The following ACTR3C variants were observed in gnomAD, a reference collection of about 807,000 sequenced individuals.
The protein encoded by ACTR3C is actin related protein 3C, also known as actin-related protein 3C.
A neutral mutation model predicts 26.3 loss-of-function variants in ACTR3C; 18 were observed. That is an observed-to-expected ratio of 0.68 (90% confidence interval 0.47 to 1.01). The LOEUF is 1.01. Among genes scored for constraint, ACTR3C ranks in the 50% least tolerant of loss-of-function variants. The probability of loss-of-function intolerance (pLI) is 0.00; values close to 1 mark genes in which losing one functional copy is unlikely to be tolerated. For synonymous variants in ACTR3C, 55 were observed against 94.5 expected, an observed-to-expected ratio of 0.58 and a Z score of 2.42; for missense variants, 184 against 250.7, an observed-to-expected ratio of 0.73 and a Z score of 1.80.
At chr7:150,013,402 C>A in the ACTR3C span, among the ~76,000 whole-genome samples, 1 of 152,232 alleles carries the variant, frequency 6.6e-6, no homozygotes, top group Non-Finnish European at 1.5e-5. Flanking sequence ...TTTAGGTGAA[C>A]CTCACGATTC....
chr7:150,145,443 T>C, the ACTR3C span, among the ~76,000 whole-genome samples: 13 of 151,562 alleles, frequency 8.6e-5, no homozygotes, highest in South Asian at 2.5e-3. Flanking sequence ...TTGTGGTCTT[T>C]AATCTGCCTC....
the ACTR3C span, among the ~76,000 whole-genome samples, chr7:150,230,922 AT>A: frequency 0.22 from 32,902 of 151,816 alleles, 5,568 homozygotes; most frequent in African/African-American, 0.47. Context: ...AATTTTATTG[AT>A]TTTTTTAAAG....
chr7:150,185,709 C>G, the ACTR3C span, among the ~76,000 whole-genome samples: 3 of 151,766 alleles, frequency 2.0e-5, no homozygotes, highest in Middle Eastern at 3.4e-3. Flanking sequence ...CTAAGATGAG[C>G]AGAAAAGCTT....
the ACTR3C span, among the ~76,000 whole-genome samples, chr7:150,103,780 A>G: frequency 6.6e-6 from 1 of 152,064 alleles, no homozygotes; most frequent in African/African-American, 2.4e-5. Flanking sequence ...AACTCCAAAC[A>G]GAGCTCAACA....
chr7:150,078,158 T>C, the ACTR3C span, among the ~76,000 whole-genome samples: 1 of 152,224 alleles, frequency 6.6e-6, no homozygotes, highest in African/African-American at 2.4e-5. Context: ...ATGTTTTTCC[T>C]GGCCTCTACT....
the ACTR3C span, among the ~76,000 whole-genome samples, chr7:150,231,513 C>A: frequency 6.6e-6 from 1 of 151,028 alleles, no homozygotes; most frequent in African/African-American, 2.4e-5. Flanking sequence ...TGAGTGGAAG[C>A]TTCCTGAAGG....
the ACTR3C span, among the ~76,000 whole-genome samples, chr7:149,959,016 G>T: frequency 6.6e-6 from 1 of 152,196 alleles, no homozygotes; most frequent in Non-Finnish European, 1.5e-5. Flanking sequence ...AAGCCACATT[G>T]ATTTTGCATC....
the ACTR3C span, among the ~76,000 whole-genome samples, chr7:150,039,833 C>T: frequency 1.4e-4 from 17 of 123,608 alleles, no homozygotes; most frequent in Admixed American, 3.8e-4. Flanking sequence ...GCCTCCGCCC[C>T]CAGCGATGGG....
At chr7:150,314,179 G>A (rs995007324) in intron 1 of ACTR3C, among the ~76,000 whole-genome samples, 2 of 152,224 alleles carry the variant, frequency 1.3e-5, no homozygotes, top group African/African-American at 4.8e-5. Flanking sequence ...AGCAGTGTTA[G>A]CTCCGTCACT....
chr7:149,987,397 C>G, the ACTR3C span, among the ~76,000 whole-genome samples: 1 of 145,698 alleles, frequency 6.9e-6, no homozygotes, highest in Non-Finnish European at 1.5e-5. Flanking sequence ...GAAACCCTAT[C>G]TCTACTAAAA....
the ACTR3C span, among the ~76,000 whole-genome samples, chr7:149,938,992 T>C: frequency 6.8e-6 from 1 of 146,724 alleles, no homozygotes; most frequent in Non-Finnish European, 1.5e-5. Context: ...ATATAATATA[T>C]TTTTTGAGAT....
At chr7:150,109,841 A>T in the ACTR3C span, among the ~76,000 whole-genome samples, 1 of 144,324 alleles carries the variant, frequency 6.9e-6, no homozygotes, top group Non-Finnish European at 1.5e-5. Flanking sequence ...TTCTCTTCCC[A>T]AAGCTCAATA....
chr7:149,926,608 C>T, the ACTR3C span, among the ~76,000 whole-genome samples: 5 of 152,130 alleles, frequency 3.3e-5, no homozygotes, highest in Non-Finnish European at 7.3e-5. Context: ...GAGGAATTAA[C>T]TGCATCCTGC....
chr7:150,001,405 T>C, the ACTR3C span: 2 of 152,290 alleles, frequency 1.3e-5, no homozygotes, highest in African/African-American at 2.4e-5. Context: ...AATTTAGACT[T>C]TGCCGTTCCT....
At chr7:150,180,631 G>C in the ACTR3C span, among the ~76,000 whole-genome samples, 8 of 147,736 alleles carry the variant, frequency 5.4e-5, no homozygotes, top group African/African-American at 2.1e-4. Context: ...TCCCGCCTCA[G>C]CCTCCCGAGT....
chr7:150,257,816 C>T (rs914909825), intron 6 of ACTR3C, among the ~76,000 whole-genome samples: 2 of 152,140 alleles, frequency 1.3e-5, no homozygotes, highest in African/African-American at 4.8e-5. Context: ...GCTCACTCTT[C>T]ACTAAGACCA....
At chr7:149,984,685 A>G in the ACTR3C span, among the ~76,000 whole-genome samples, 2,900 of 151,932 alleles carry the variant, frequency 0.019, 95 homozygotes, top group African/African-American at 0.065. Flanking sequence ...TGGTTTCACC[A>G]TAACAGGTGA....
chr7:149,896,282 A>G, the ACTR3C span, among the ~76,000 whole-genome samples: 1 of 152,190 alleles, frequency 6.6e-6, no homozygotes, highest in South Asian at 2.1e-4. Context: ...TACATGAATG[A>G]GCACACAGAC....
At chr7:150,051,992 G>T in the ACTR3C span, among the ~76,000 whole-genome samples, 1 of 152,246 alleles carries the variant, frequency 6.6e-6, no homozygotes, top group African/African-American at 2.4e-5. Context: ...GAGGGAGAAG[G>T]ACAGAACCAT....
Sources: gnomAD v4.1 joint callset for allele counts (sites outside exome capture counted in the v4.1 genomes callset) on GRCh38, gnomAD v4.1.1 for gene constraint, MANE v1.5 for transcripts, NCBI Gene and HGNC (gene_info 2026-07-23, HGNC 2026-07-21) for gene names.